Variants in DLGAP1 observed in about 807,000 individuals in gnomAD.
DLGAP1 encodes disks large-associated protein 1.
In DLGAP1, 11 loss-of-function variants were observed where a neutral mutation model predicts 90.8. That is an observed-to-expected ratio of 0.12 (90% CI 0.08 to 0.20). The LOEUF is 0.20. Ranked by LOEUF, DLGAP1 falls within the 10% of genes least tolerant of loss-of-function variation. DLGAP1 has a pLI of 1.00. For missense variants in DLGAP1, 1,050 were observed against 1,333.8 expected (o/e 0.79, Z 3.31); for synonymous variants, 558 against 540.7 (o/e 1.03, Z -0.44).
At chr18:3,648,744 C>T (rs953696675) in intron 7 of DLGAP1, among the ~76,000 whole-genome samples, 1 of 151,990 alleles carries the variant, frequency 6.6e-6, no homozygotes, top group Non-Finnish European at 1.5e-5. Context: ...CACTAGACTG[C>T]CAAAATAACA....
Position 3,508,519 on chromosome 18 carries a change from G to A in DLGAP1, c.2571+51C>T, listed in dbSNP as rs770216761. Reference sequence around the variant, plus strand: ...TTAGTTGGGCCAGTCTTGGTGACATGTTCTTCTCATGGCACTAGCAGGGAA... The same window carrying A: ...TTAGTTGGGCCAGTCTTGGTGACATATTCTTCTCATGGCACTAGCAGGGAA... On this transcript the variant is annotated intron_variant, in intron 11 of 12. Coordinates refer to ENST00000315677, the MANE Select transcript of DLGAP1 (RefSeq NM_004746.4). The A allele has an allele frequency of 4.3e-6, 6 of 1,396,772 alleles. No individual in the cohort carries two copies. The Admixed American group carries it at 6.0e-5, about 14-fold the overall frequency. 86.5% of individuals were successfully genotyped at this position (1,396,772 alleles called of 1,614,324 possible).
intron 1 of DLGAP1, among the ~76,000 whole-genome samples, chr18:4,205,595 T>C (rs2077704776): frequency 6.6e-6 from 1 of 152,324 alleles, no homozygotes; most frequent in East Asian, 1.9e-4. Context: ...TGGGCTTCAG[T>C]GATCCTCTGG....
intron 1 of DLGAP1, among the ~76,000 whole-genome samples, chr18:4,211,349 A>T (rs954779699): frequency 1.3e-5 from 2 of 152,228 alleles, no homozygotes; most frequent in Admixed American, 6.5e-5. Context: ...ATGGACCAAC[A>T]TGATAGTGTT....
intron 9 of DLGAP1, among the ~76,000 whole-genome samples, chr18:3,542,426 A>G (rs536403876): frequency 6.6e-6 from 1 of 152,344 alleles, no homozygotes; most frequent in African/African-American, 2.4e-5. Flanking sequence ...TTTTCTAGGA[A>G]AAGTGTTCTC....
chr18:3,802,236 G>A (rs1335924789), intron 5 of DLGAP1, among the ~76,000 whole-genome samples: 1 of 149,424 alleles, frequency 6.7e-6, no homozygotes, highest in Admixed American at 6.7e-5. Context: ...GCCCGCCTCG[G>A]CCTCCCAAAG....
rs116807953 is a variant in DLGAP1 at position 3,533,957 on chromosome 18, C to T, written c.2479+237G>A. 7.7e-3 allele frequency among the ~76,000 whole-genome samples: 1,170 copies of T among 152,184 alleles called. 18 individuals are homozygous for T. The highest frequency in any genetic ancestry group is 0.027 in the African/African-American group (1,118 of 41,512). On this transcript the variant is annotated intron_variant, in intron 10 of 12. Coordinates refer to ENST00000315677, the MANE Select transcript of DLGAP1 (RefSeq NM_004746.4). ...GTATTTTCAGAAAGAAAAAGAACGT[C>T]ATGGGCCTAGAGCTAAGGACAGTGT...
chr18:3,686,002 C>T (rs1216518145), intron 7 of DLGAP1, among the ~76,000 whole-genome samples: 1 of 151,936 alleles, frequency 6.6e-6, no homozygotes, highest in Admixed American at 6.6e-5. Context: ...GATGAGAGCC[C>T]GTCTCTACTA....
intron 4 of DLGAP1, among the ~76,000 whole-genome samples, chr18:3,863,778 C>T (rs1345399619): frequency 6.6e-6 from 1 of 152,208 alleles, no homozygotes; most frequent in Non-Finnish European, 1.5e-5. Flanking sequence ...GGTGGCTGGG[C>T]TCGGGAGCCT....
chr18:3,953,392 T>A (rs1312560633), intron 3 of DLGAP1, among the ~76,000 whole-genome samples: 1 of 152,244 alleles, frequency 6.6e-6, no homozygotes, highest in Non-Finnish European at 1.5e-5. Context: ...TGTGTATGTG[T>A]GCCCTTTGTT....
intron 2 of DLGAP1, among the ~76,000 whole-genome samples, chr18:4,042,104 T>C (rs182867632): frequency 1.2e-4 from 19 of 152,324 alleles, no homozygotes; most frequent in Admixed American, 1.2e-3. Context: ...CATGATCCTG[T>C]AATTGATGTG....
chr18:4,403,261 G>T (rs536505502), intron 1 of DLGAP1, among the ~76,000 whole-genome samples: 7 of 152,184 alleles, frequency 4.6e-5, no homozygotes, highest in African/African-American at 1.7e-4. Context: ...ACCAAGTACT[G>T]AAGTTCCACC....
At chr18:3,732,228 T>C (rs1203516700) in intron 6 of DLGAP1, among the ~76,000 whole-genome samples, 1 of 152,232 alleles carries the variant, frequency 6.6e-6, no homozygotes, top group African/African-American at 2.4e-5. Context: ...ATTCAGAGAT[T>C]TGATCAGCTT....
chr18:3,907,126 T>C (rs1387594212), intron 3 of DLGAP1, among the ~76,000 whole-genome samples: 1 of 151,970 alleles, frequency 6.6e-6, no homozygotes. Context: ...TGAGCATCCA[T>C]GGATGTTAGC....
chr18:3,635,646 C>T (rs1461455258), intron 7 of DLGAP1, among the ~76,000 whole-genome samples: 3 of 151,512 alleles, frequency 2.0e-5, no homozygotes, highest in Non-Finnish European at 4.4e-5. Flanking sequence ...CAGTTACTTG[C>T]TAACAACTTC....
At chr18:3,713,055 T>G (rs2061646544) in intron 7 of DLGAP1, among the ~76,000 whole-genome samples, 1 of 152,238 alleles carries the variant, frequency 6.6e-6, no homozygotes, top group East Asian at 1.9e-4. Context: ...CATCAAACCC[T>G]GCCTTGGTGC....
At chr18:3,982,808 C>T (rs1336345017) in intron 3 of DLGAP1, among the ~76,000 whole-genome samples, 1 of 152,106 alleles carries the variant, frequency 6.6e-6, no homozygotes, top group Non-Finnish European at 1.5e-5. Flanking sequence ...TAATTACTTA[C>T]AAATTTGAAT....
At chr18:3,954,879 C>T (rs1468031300) in intron 3 of DLGAP1, among the ~76,000 whole-genome samples, 1 of 152,044 alleles carries the variant, frequency 6.6e-6, no homozygotes, top group Non-Finnish European at 1.5e-5. Flanking sequence ...AAGATAAGCC[C>T]CCAAATTGCC....
At position 3,595,340 on chromosome 18, in the gene DLGAP1, C is replaced by T. The variant is rs546369318; in HGVS notation, c.1592-13092G>A. On this transcript the variant is annotated intron_variant, in intron 7 of 12. Coordinates refer to ENST00000315677, the MANE Select transcript of DLGAP1 (RefSeq NM_004746.4). ...AAGGTCATTTCAGAAGGCCCAGGGC[C>T]AGAGGCTGAGGTCTAAAACTTCTAA... 9.8e-5 allele frequency among the ~76,000 whole-genome samples: 15 copies of T among 152,290 alleles called. No individual in the cohort carries two copies. In the East Asian group the frequency reaches 1.7e-3, roughly 18 times the overall value.
At chr18:3,741,148 C>T (rs931199060) in intron 6 of DLGAP1, among the ~76,000 whole-genome samples, 2 of 122,274 alleles carry the variant, frequency 1.6e-5, no homozygotes, top group East Asian at 2.5e-4. Context: ...TCACCATCAC[C>T]ATCACCACCA....
Sources: allele counts gnomAD v4.1 joint callset (sites outside exome capture counted in the v4.1 genomes callset), GRCh38; gene constraint gnomAD v4.1.1; transcripts MANE v1.5; gene names NCBI Gene and HGNC (gene_info 2026-07-23, HGNC 2026-07-21).